Variants in MARVELD3 observed in about 807,000 individuals in gnomAD.
The protein encoded by MARVELD3 is MARVEL domain-containing protein 3.
MARVELD3 carries 28 observed loss-of-function variants against 33.5 expected under a neutral mutation model. The observed-to-expected ratio is 0.84, with a 90% CI of 0.62 to 1.15. The LOEUF is 1.15. MARVELD3 is among the 50% of genes most tolerant of loss of function. MARVELD3 has a pLI of 0.00. For missense variants in MARVELD3, 582 were observed against 547.6 expected, an observed-to-expected ratio of 1.06 and a Z score of -0.63; for synonymous variants, 241 against 230.4, an observed-to-expected ratio of 1.05 and a Z score of -0.42.
rs1046896905 is a variant in MARVELD3, at chr16:71,634,541, G to C, written c.944G>C (p.Gly315Ala). Reference sequence around the variant, plus strand: ...GGCTTGTTGGACATGCTCATCGCGGGGGGGTACATCCCGGCCTTGTACTTC... The same window carrying C: ...GGCTTGTTGGACATGCTCATCGCGGCGGGGTACATCCCGGCCTTGTACTTC... ...TEGLLDMLIA[G>A]GYIPALYFYF... Residue 315 changes from glycine to alanine, a missense_variant, in exon 3 of 3, where the codon GGG (glycine) becomes GCG (alanine). Transcript: ENST00000268485. 6.8e-6 allele frequency: 11 copies of C among 1,614,204 alleles called. No individual in the cohort carries two copies. The highest frequency in any genetic ancestry group is 3.3e-5 in the South Asian group (3 of 91,086).
downstream of MARVELD3, chr16:71,638,905 A>C (rs2044598629): frequency 6.6e-6 from 1 of 151,704 alleles, no homozygotes; most frequent in Admixed American, 6.6e-5. Context: ...CCCTGTGCTA[A>C]GTCTTCATAG....
At position 71,634,543 on chromosome 16, in the gene MARVELD3, G is replaced by T. The variant is rs750336210; in HGVS notation, c.946G>T (p.Gly316Trp). The T allele has an allele frequency of 1.2e-6, 2 of 1,614,144 alleles. No individual in the cohort carries two copies. Among genetic ancestry groups the T allele is most frequent in the Non-Finnish European group, 1.7e-6 (2 of 1,180,036 alleles). Residue 316 changes from glycine (G) to tryptophan (W), a missense_variant, in exon 3 of 3, where the codon GGG becomes TGG. Coordinates refer to ENST00000268485, the MANE Select transcript of MARVELD3 (RefSeq NM_052858.6). ...CTTGTTGGACATGCTCATCGCGGGGGGGTACATCCCGGCCTTGTACTTCTA... is the reference window on the plus strand; with the variant it reads ...CTTGTTGGACATGCTCATCGCGGGGTGGTACATCCCGGCCTTGTACTTCTA... The part of the protein sequence containing the change: ...EGLLDMLIAG[G>W]YIPALYFYFH...
chr16:71,634,779 G>C lies in MARVELD3; in HGVS notation c.1182G>C (p.Lys394Asn). 1 of 1,603,808 alleles carries C rather than the reference G, an allele frequency of 6.2e-7. No homozygotes were observed. The highest frequency in any genetic ancestry group is 8.5e-7 in the Non-Finnish European group (1 of 1,176,164). The stretch of plus-strand genomic sequence containing the variant: ...GAAAAGTTAGGAAGCTAAAAGAGAA[G>C]CCAGCAGAAATGTTTGAATTTTAAG... The part of the protein sequence containing the change: ...GYRKVRKLKE[K>N]PAEMFEF Residue 394 changes from lysine (K) to asparagine (N), a missense_variant, in exon 3 of 3, where the codon AAG (lysine) becomes AAC (asparagine). Coordinates refer to ENST00000268485, the MANE Select transcript of MARVELD3 (RefSeq NM_052858.6).
Position 71,635,564 on chromosome 16 carries a change from C to T in MARVELD3, c.*761C>T. The T allele has an allele frequency of 7.1e-6, 7 of 981,238 alleles. No homozygotes were observed. The highest frequency in any genetic ancestry group is 8.5e-6 in the Non-Finnish European group (7 of 826,458). The allele number at this position is 981,238 out of a possible 1,614,324, so 60.8% of individuals were successfully genotyped here. On this transcript the variant is annotated 3_prime_UTR_variant, in exon 3 of 3. Coordinates refer to ENST00000268485, the MANE Select transcript of MARVELD3 (RefSeq NM_052858.6). The stretch of plus-strand genomic sequence containing the variant: ...CAAGTTTGCAGTGCGCTATGATTGT[C>T]CCACTACACTCTAGCCTGAGCAACA...
chr16:71,629,030 C>A (rs1409888594), intron 1 of MARVELD3: 2 of 220,268 alleles, frequency 9.1e-6, no homozygotes, highest in Non-Finnish European at 1.8e-5. Context: ...CATGTGAATG[C>A]AAACTGGTTT....
intron 2 of MARVELD3, among the ~76,000 whole-genome samples, chr16:71,632,064 T>C (rs747106262): frequency 6.6e-6 from 1 of 152,186 alleles, no homozygotes; most frequent in Non-Finnish European, 1.5e-5. Flanking sequence ...CAAAAGGACA[T>C]AACCGTATTA....
intron 2 of MARVELD3, among the ~76,000 whole-genome samples, chr16:71,630,869 A>G (rs1238239025): frequency 6.6e-6 from 1 of 152,158 alleles, no homozygotes; most frequent in African/African-American, 2.4e-5. Flanking sequence ...CCACAGTCTG[A>G]AAAACACTTC....
chr16:71,634,192 G>T lies in MARVELD3; in HGVS notation c.596-1G>T. 6.3e-7 allele frequency: 1 copy of T among 1,581,580 alleles called. No homozygotes were observed. The highest frequency in any genetic ancestry group is 8.6e-7 in the Non-Finnish European group (1 of 1,164,730). On this transcript the variant is annotated splice_acceptor_variant, in intron 2 of 2. Coordinates refer to ENST00000268485, the MANE Select transcript of MARVELD3 (RefSeq NM_052858.6). LOFTEE classifies it high-confidence loss of function. Reference sequence around the variant, plus strand: ...AAAATGGTAACACCCTTTTTTTGCAGCCTGCTGCCAAATGCTGGAGGTTCT... The same window carrying T: ...AAAATGGTAACACCCTTTTTTTGCATCCTGCTGCCAAATGCTGGAGGTTCT...
intron 2 of MARVELD3, among the ~76,000 whole-genome samples, chr16:71,633,319 G>A (rs2044550319): frequency 6.6e-6 from 1 of 152,164 alleles, no homozygotes; most frequent in African/African-American, 2.4e-5. Context: ...CTGTGATTGT[G>A]CCACTGTACT....
At chr16:71,639,060 CTTTTTTTTTTTTT>C (rs34319437), downstream of MARVELD3, 4 of 59,586 alleles carry the variant, frequency 6.7e-5, no homozygotes, top group Admixed American at 3.0e-4. Flanking sequence ...CAGACTGGTT[CTTTTTTTTTTTTT>C]TTTTTTTTTT....
At chr16:71,641,291 A>G, downstream of MARVELD3, 1 of 397,542 alleles carries the variant, frequency 2.5e-6, no homozygotes, top group Non-Finnish European at 4.5e-6. Context: ...TGTCTCTACT[A>G]AAAATACAAA....
At chr16:71,634,073 C>T in intron 2 of MARVELD3, 120 bp from the exon 3 acceptor site, 2 of 1,479,520 alleles carry the variant, frequency 1.4e-6, no homozygotes, top group Non-Finnish European at 1.8e-6. Flanking sequence ...GGCCTCGGGT[C>T]TTCCACAGGG....
At chr16:71,637,145 A>G (rs1304455459), downstream of MARVELD3, among the ~76,000 whole-genome samples, 1 of 152,138 alleles carries the variant, frequency 6.6e-6, no homozygotes, top group African/African-American at 2.4e-5. Context: ...CTGGGATAAT[A>G]TTCCCTGGCC....
rs780060964 is a variant in MARVELD3, at chr16:71,634,434, C to T, written c.837C>T (p.Ala279=). 3 of 1,614,202 alleles carry T rather than the reference C, an allele frequency of 1.9e-6. No homozygotes were observed. The South Asian group carries it at 3.3e-5, about 18-fold the overall frequency. The change falls in exon 3 of 3, where the codon GCC becomes GCT. Residue 279 remains alanine, a synonymous_variant. Coordinates refer to ENST00000268485, the MANE Select transcript of MARVELD3 (RefSeq NM_052858.6). ...MVTVAMACSG[A]LTALCCLFVA... is the part of the protein sequence containing the mutation. ...CTGTGGCAATGGCCTGTAGTGGAGCCCTCACAGCCCTCTGCTGCCTCTTCG... is the reference window on the plus strand; with the variant it reads ...CTGTGGCAATGGCCTGTAGTGGAGCTCTCACAGCCCTCTGCTGCCTCTTCG...
intron 2 of MARVELD3, among the ~76,000 whole-genome samples, chr16:71,632,214 C>T (rs761046533): frequency 5.8e-4 from 88 of 152,172 alleles, no homozygotes; most frequent in Non-Finnish European, 1.1e-3. Context: ...GGATTGACTG[C>T]AAAGCGTCAC....
At chr16:71,640,425 A>C (rs1362667006), downstream of MARVELD3, 1 of 1,613,920 alleles carries the variant, frequency 6.2e-7, no homozygotes, top group Non-Finnish European at 8.5e-7. Flanking sequence ...CTTGAATGGG[A>C]TGGTTCTCAT....
chr16:71,634,410 T>A lies in MARVELD3; in HGVS notation c.813T>A (p.Thr271=). 1 of 1,614,246 alleles carries A rather than the reference T, an allele frequency of 6.2e-7. No homozygotes were observed. The highest frequency in any genetic ancestry group is 1.1e-5 in the South Asian group (1 of 91,086). The change falls in exon 3 of 3, where the codon ACT becomes ACA. Residue 271 remains threonine (T), a synonymous_variant. Coordinates refer to ENST00000268485, the MANE Select transcript of MARVELD3 (RefSeq NM_052858.6). ...QFYQLKLPMV[T]VAMACSGALT... The stretch of plus-strand genomic sequence containing the variant: ...ACCAGCTAAAGCTGCCCATGGTCAC[T>A]GTGGCAATGGCCTGTAGTGGAGCCC...
chr16:71,637,725 G>A (rs753597311), downstream of MARVELD3: 1 of 152,014 alleles, frequency 6.6e-6, no homozygotes, highest in Non-Finnish European at 1.5e-5. Context: ...TGTGTTAGAG[G>A]GTTGTCCTGA....
At chr16:71,636,769 T>A (rs2044584409), downstream of MARVELD3, among the ~76,000 whole-genome samples, 1 of 152,110 alleles carries the variant, frequency 6.6e-6, no homozygotes, top group Admixed American at 6.5e-5. Flanking sequence ...TTGTTTATTT[T>A]TAGTAGAGAT....
Sources: allele counts gnomAD v4.1 joint callset (sites outside exome capture counted in the v4.1 genomes callset), GRCh38; gene constraint gnomAD v4.1.1; transcripts MANE v1.5; gene names NCBI Gene and HGNC (gene_info 2026-07-23, HGNC 2026-07-21).